Variants in PPM1L observed in about 807,000 individuals in gnomAD.
PPM1L encodes the protein protein phosphatase, Mg2+/Mn2+ dependent 1L, also known as protein phosphatase 1L.
A neutral mutation model predicts 31.4 loss-of-function variants in PPM1L; 13 were observed. The ratio of observed to expected loss-of-function variants is 0.41; its 90% CI spans 0.27 to 0.66. The LOEUF is 0.66. Ranked by LOEUF, PPM1L falls within the 30% of genes least tolerant of loss-of-function variation. The pLI, the probability that PPM1L is intolerant of heterozygous loss-of-function variation, is 0.29. For missense variants in PPM1L, 326 were observed against 453.7 expected, an observed-to-expected ratio of 0.72 and a Z score of 2.56; for synonymous variants, 184 against 175.4, an observed-to-expected ratio of 1.05 and a Z score of -0.39.
At chr3:160,786,209 T>A (rs7609640) in intron 1 of PPM1L, among the ~76,000 whole-genome samples, 632 of 25,800 alleles carry the variant, frequency 0.024, no homozygotes, top group East Asian at 0.037. Flanking sequence ...ATATATATAT[T>A]TTTTTTTTTT....
chr3:160,916,305 A>C (rs1714178848), intron 1 of PPM1L, among the ~76,000 whole-genome samples: 1 of 152,218 alleles, frequency 6.6e-6, no homozygotes, highest in Admixed American at 6.5e-5. Flanking sequence ...ACACACATGA[A>C]AAAATGCTCA....
intron 1 of PPM1L, among the ~76,000 whole-genome samples, chr3:160,807,373 G>GT (rs1353052433): frequency 6.6e-6 from 1 of 152,108 alleles, no homozygotes; most frequent in African/African-American, 2.4e-5. Context: ...AATTTTGGTA[G>GT]TTTATATTGT....
At chr3:160,777,539 C>G (rs1171775373) in intron 1 of PPM1L, among the ~76,000 whole-genome samples, 1 of 152,126 alleles carries the variant, frequency 6.6e-6, no homozygotes, top group Non-Finnish European at 1.5e-5. Context: ...CCTGTAGCCC[C>G]CTGATAATCA....
rs775244580 is a variant in PPM1L at position 161,068,916 on chromosome 3, A to G, written c.842A>G (p.Asp281Gly). The change falls in exon 4 of 4, where the codon GAC becomes GGC. Residue 281 changes from aspartate (D) to glycine (G), a missense_variant. Asp to Gly is a moderately conservative substitution (Grantham distance 94). Transcript: ENST00000498165. The stretch of plus-strand genomic sequence containing the variant: ...AAAAATCTCAACGTGGTCATCCCAG[A>G]CCCAGACATCCTGACCTTTGACCTG... Reference protein sequence around the residue: ...PLKNLNVVIPDPDILTFDLDK... With the variant: ...PLKNLNVVIPGPDILTFDLDK... 1 of 1,614,008 alleles carries G rather than the reference A, an allele frequency of 6.2e-7. No individual in the cohort carries two copies. Among genetic ancestry groups the G allele is most frequent in the Non-Finnish European group, 8.5e-7 (1 of 1,180,024 alleles).
chr3:160,918,469 G>A (rs947969516), intron 1 of PPM1L, among the ~76,000 whole-genome samples: 1 of 152,150 alleles, frequency 6.6e-6, no homozygotes. Context: ...ACCATCACAT[G>A]GATAAGAGTT....
intron 1 of PPM1L, among the ~76,000 whole-genome samples, chr3:160,863,766 G>C (rs1711985707): frequency 1.3e-5 from 2 of 152,182 alleles, no homozygotes; most frequent in African/African-American, 2.4e-5. Context: ...AGTTCTTTCT[G>C]CCTGAAACCT....
chr3:161,013,741 G>A (rs1370349795), intron 2 of PPM1L, among the ~76,000 whole-genome samples: 1 of 152,104 alleles, frequency 6.6e-6, no homozygotes, highest in African/African-American at 2.4e-5. Flanking sequence ...AGGATAGTTC[G>A]GTCTTCTTGT....
intron 2 of PPM1L, among the ~76,000 whole-genome samples, chr3:161,044,688 C>T (rs182172181): frequency 5.3e-5 from 8 of 152,208 alleles, no homozygotes; most frequent in Admixed American, 1.3e-4. Context: ...TAAAGACCAT[C>T]GATGCTAAGA....
intron 2 of PPM1L, among the ~76,000 whole-genome samples, chr3:160,997,696 T>C (rs1717367916): frequency 6.6e-6 from 1 of 152,164 alleles, no homozygotes; most frequent in Non-Finnish European, 1.5e-5. Context: ...TCTTGGTAGC[T>C]GGCCTCATTC....
rs1372349957 is a variant in PPM1L, at chr3:160,964,479, G to C, written c.574+2569G>C. ...GTCTTTACTTTGAGTAGGCTGAACAGACTGCTGAAGAGGAGAGGAGGAGCT... is the reference window on the plus strand; with the variant it reads ...GTCTTTACTTTGAGTAGGCTGAACACACTGCTGAAGAGGAGAGGAGGAGCT... On this transcript the variant is annotated intron_variant, in intron 2 of 3. Coordinates refer to ENST00000498165, the MANE Select transcript of PPM1L (RefSeq NM_139245.4). Among the ~76,000 whole-genome samples the C allele has an allele frequency of 2.0e-5, 3 of 152,006 alleles. No homozygotes were observed. The Admixed American group carries it at 2.0e-4, about 10-fold the overall frequency.
At chr3:160,954,275 AATTTATATTACTC>A (rs931333389) in intron 1 of PPM1L, among the ~76,000 whole-genome samples, 2 of 152,162 alleles carry the variant, frequency 1.3e-5, no homozygotes, top group Non-Finnish European at 2.9e-5. Context: ...AAATCACCCC[AATTTATATTACTC>A]TGACATAACT....
intron 2 of PPM1L, among the ~76,000 whole-genome samples, chr3:160,980,892 T>C (rs1235437142): frequency 6.6e-6 from 1 of 152,088 alleles, no homozygotes; most frequent in East Asian, 1.9e-4. Context: ...ATGATAGTCT[T>C]TCTCTTGTTT....
chr3:160,793,507 C>T (rs907674946), intron 1 of PPM1L, among the ~76,000 whole-genome samples: 2 of 152,070 alleles, frequency 1.3e-5, no homozygotes, highest in East Asian at 3.9e-4. Context: ...ATAAGTTACC[C>T]CTATGTCAGG....
At chr3:161,046,593 G>A (rs1457663757) in intron 2 of PPM1L, among the ~76,000 whole-genome samples, 5 of 152,124 alleles carry the variant, frequency 3.3e-5, no homozygotes, top group Non-Finnish European at 7.3e-5. Context: ...ATTTTATGAG[G>A]CCAGCATCAT....
chr3:160,908,070 T>A (rs1713822759), intron 1 of PPM1L, among the ~76,000 whole-genome samples: 1 of 152,164 alleles, frequency 6.6e-6, no homozygotes, highest in Non-Finnish European at 1.5e-5. Flanking sequence ...AAGAAAGAAG[T>A]TTTTTTAATT....
At chr3:160,987,431 A>G (rs778578544) in intron 2 of PPM1L, among the ~76,000 whole-genome samples, 10 of 152,200 alleles carry the variant, frequency 6.6e-5, no homozygotes, top group Non-Finnish European at 1.2e-4. Context: ...AAATAATGGC[A>G]AACTACATAT....
At chr3:160,930,599 G>C (rs574752880) in intron 1 of PPM1L, among the ~76,000 whole-genome samples, 28 of 152,290 alleles carry the variant, frequency 1.8e-4, no homozygotes, top group African/African-American at 6.7e-4. Context: ...TGCAAGGAAG[G>C]CAGTTTTATT....
In PPM1L at chr3:161,078,892, T is replaced by TA. The variant is rs1297940547; in HGVS notation, c.*9736dup. On this transcript the variant is annotated 3_prime_UTR_variant, in exon 4 of 4. Coordinates refer to ENST00000498165, the MANE Select transcript of PPM1L (RefSeq NM_139245.4). The stretch of plus-strand genomic sequence containing the variant: ...AAAGCAAAAATAAACACAAAGTTGT[T>TA]AGACTTTAAACATGAGACTGCTGGT... 6.6e-6 allele frequency: 1 copy of TA among 152,212 alleles called. No homozygotes were observed. The highest frequency in any genetic ancestry group is 1.5e-5 in the Non-Finnish European group (1 of 68,026). The allele number at this position is 152,212 out of a possible 1,614,324, so 9.4% of individuals were successfully genotyped here.
At chr3:160,960,132 G>A (rs1262275750) in intron 1 of PPM1L, among the ~76,000 whole-genome samples, 2 of 151,384 alleles carry the variant, frequency 1.3e-5, no homozygotes. Context: ...CTGAACCTCT[G>A]TTGATTAGCG....
Sources: gnomAD v4.1 joint callset for allele counts (sites outside exome capture counted in the v4.1 genomes callset) on GRCh38, gnomAD v4.1.1 for gene constraint, MANE v1.5 for transcripts, NCBI Gene and HGNC (gene_info 2026-07-23, HGNC 2026-07-21) for gene names.